The following LOC400499 variants were observed in gnomAD, a reference collection of about 807,000 sequenced individuals.
chr16:11,526,136 C>T, the LOC400499 span, among the ~76,000 whole-genome samples: 1 of 152,218 alleles, frequency 6.6e-6, no homozygotes, highest in African/African-American at 2.4e-5. Context: ...ACAATTACAT[C>T]ATTTACAACA....
chr16:11,485,662 C>A, the LOC400499 span, among the ~76,000 whole-genome samples: 1 of 152,190 alleles, frequency 6.6e-6, no homozygotes, highest in African/African-American at 2.4e-5. Context: ...TTTGTTCTAT[C>A]CATCCTTATT....
the LOC400499 span, among the ~76,000 whole-genome samples, chr16:11,457,698 A>G: frequency 6.6e-6 from 1 of 152,178 alleles, no homozygotes; most frequent in African/African-American, 2.4e-5. Flanking sequence ...AATCGAAAGC[A>G]TCAGATATTT....
the LOC400499 span, among the ~76,000 whole-genome samples, chr16:11,466,306 G>A: frequency 1.3e-5 from 2 of 152,172 alleles, no homozygotes; most frequent in African/African-American, 2.4e-5. Context: ...ATGTTTCAGA[G>A]CCACATGAAG....
chr16:11,462,073 C>T, the LOC400499 span: 2 of 1,416,160 alleles, frequency 1.4e-6, no homozygotes, highest in Non-Finnish European at 1.8e-6. Flanking sequence ...CACACCCTAA[C>T]CTGGCCACAG....
the LOC400499 span, among the ~76,000 whole-genome samples, chr16:11,435,140 T>C: frequency 1.3e-5 from 2 of 152,136 alleles, no homozygotes; most frequent in African/African-American, 4.8e-5. Context: ...CCACCACATC[T>C]GGCTATTTTT....
the LOC400499 span, among the ~76,000 whole-genome samples, chr16:11,421,399 T>C: frequency 2.6e-5 from 4 of 151,688 alleles, no homozygotes; most frequent in Non-Finnish European, 5.9e-5. Context: ...ACTCTGGTAT[T>C]TTTTGTGTTG....
chr16:11,422,155 C>T, the LOC400499 span, among the ~76,000 whole-genome samples: 72 of 152,340 alleles, frequency 4.7e-4, no homozygotes, highest in Non-Finnish European at 9.1e-4. Flanking sequence ...AATCCCAGCA[C>T]TTTGGGAGGC....
chr16:11,427,350 CAAAAAAA>C, the LOC400499 span, among the ~76,000 whole-genome samples: 631 of 38,788 alleles, frequency 0.016, 2 homozygotes, highest in Non-Finnish European at 0.027. Context: ...CTCCATCTCA[CAAAAAAA>C]AAAAAAAAAA....
chr16:11,384,322 A>G, the LOC400499 span: 1 of 1,231,266 alleles, frequency 8.1e-7, no homozygotes, highest in African/African-American at 1.5e-5. Flanking sequence ...GCCAGCGGAT[A>G]TGCCTGTGGG....
chr16:11,396,305 G>A, the LOC400499 span: 14 of 425,642 alleles, frequency 3.3e-5, no homozygotes, highest in Non-Finnish European at 4.3e-5. Flanking sequence ...TTGTCTTGGC[G>A]CCAGGGCCAG....
chr16:11,381,545 A>G, the LOC400499 span, among the ~76,000 whole-genome samples: 2 of 152,208 alleles, frequency 1.3e-5, no homozygotes, highest in African/African-American at 2.4e-5. Flanking sequence ...GACAGCAAAA[A>G]TAAGATCTCT....
the LOC400499 span, among the ~76,000 whole-genome samples, chr16:11,419,978 A>G: frequency 2.7e-4 from 40 of 150,726 alleles, no homozygotes; most frequent in Admixed American, 1.3e-4. Context: ...AAATAGGAAC[A>G]CTTTTACACT....
At chr16:11,447,939 G>C in the LOC400499 span, 1 of 1,535,432 alleles carries the variant, frequency 6.5e-7, no homozygotes, top group Admixed American at 2.0e-5. Flanking sequence ...CATACCTAAG[G>C]AGCAAGGCCC....
the LOC400499 span, among the ~76,000 whole-genome samples, chr16:11,419,888 A>T: frequency 5.2e-3 from 783 of 151,410 alleles, 4 homozygotes; most frequent in African/African-American, 0.019. Flanking sequence ...TCAAAACCAC[A>T]ATGAGATACC....
the LOC400499 span, chr16:11,396,555 T>C: frequency 8.1e-7 from 1 of 1,231,924 alleles, no homozygotes; most frequent in Non-Finnish European, 1.0e-6. Context: ...CTGCTGTGGT[T>C]TTGGAGGGTC....
At chr16:11,449,099 T>C in the LOC400499 span, 6,258 of 1,452,092 alleles carry the variant, frequency 4.3e-3, 35 homozygotes, top group Middle Eastern at 0.029. Flanking sequence ...AGACTGTCAC[T>C]GTGGAAACCT....
At chr16:11,412,564 T>A in the LOC400499 span, among the ~76,000 whole-genome samples, 4 of 152,232 alleles carry the variant, frequency 2.6e-5, no homozygotes, top group Non-Finnish European at 5.9e-5. Flanking sequence ...CCCCCAGGCC[T>A]AAGGGCAGTA....
At chr16:11,499,665 G>C in the LOC400499 span, among the ~76,000 whole-genome samples, 1 of 152,114 alleles carries the variant, frequency 6.6e-6, no homozygotes, top group Non-Finnish European at 1.5e-5. Context: ...GGGGCTCTCA[G>C]ATCCTGGTAG....
the LOC400499 span, chr16:11,523,352 G>A: frequency 5.0e-6 from 2 of 398,530 alleles, no homozygotes; most frequent in Non-Finnish European, 8.8e-6. Context: ...ACTCCCATTG[G>A]GCCCTGTACT....
Sources: gnomAD v4.1 joint callset for allele counts (sites outside exome capture counted in the v4.1 genomes callset) on GRCh38, gnomAD v4.1.1 for gene constraint, MANE v1.5 for transcripts.